Variants in AKT3 observed in about 807,000 individuals in gnomAD.
AKT3 encodes the protein AKT serine/threonine kinase 3.
AKT3 carries 15 observed loss-of-function variants against 65.3 expected under a neutral mutation model. The observed-to-expected ratio is 0.23, with a 90% CI of 0.15 to 0.35. AKT3 has a LOEUF of 0.35. AKT3 is among the 10% of genes least tolerant of loss of function. The pLI, the probability that AKT3 is intolerant of heterozygous loss-of-function variation, is 1.00. For missense variants in AKT3, 243 were observed against 576.5 expected, an observed-to-expected ratio of 0.42 and a Z score of 5.92; for synonymous variants, 206 against 183.8, an observed-to-expected ratio of 1.12 and a Z score of -0.98.
downstream of AKT3, among the ~76,000 whole-genome samples, chr1:243,499,083 G>A (rs2148327859): frequency 6.6e-6 from 1 of 152,240 alleles, no homozygotes; most frequent in African/African-American, 2.4e-5. Context: ...ACTAATTTGG[G>A]CAGCCATGGC....
In AKT3 at chr1:243,501,009, C is replaced by CA. The variant is rs1553388638; in HGVS notation, c.*4239_*4240insT. On this transcript the variant is annotated 3_prime_UTR_variant, in exon 14 of 14. Transcript: ENST00000673466. ...CACCTTTAAAGAATTATAGAGGTCA[C>CA]TTTTTTTTAGCCTCCTGGATCTGTC... The CA allele has an allele frequency of 8.8e-5, 20 of 228,382 alleles. No individual in the cohort carries two copies. The highest frequency in any genetic ancestry group is 4.3e-5 in the Non-Finnish European group (5 of 115,152). 14.1% of individuals were successfully genotyped at this position (228,382 alleles called of 1,614,324 possible).
At chr1:243,678,028 C>CAG (rs1247464870) in intron 3 of AKT3, among the ~76,000 whole-genome samples, 1 of 152,096 alleles carries the variant, frequency 6.6e-6, no homozygotes, top group Non-Finnish European at 1.5e-5. Flanking sequence ...GCGGAGGTTG[C>CAG]AGTGAGCCGA....
chr1:243,600,937 G>A (rs1211547180), intron 8 of AKT3, among the ~76,000 whole-genome samples: 2 of 152,074 alleles, frequency 1.3e-5, no homozygotes, highest in African/African-American at 2.4e-5. Flanking sequence ...AGAGTGAGGG[G>A]AGAGAATTGA....
intron 2 of AKT3, among the ~76,000 whole-genome samples, chr1:243,732,325 C>G (rs1687616030): frequency 6.6e-6 from 1 of 152,232 alleles, no homozygotes; most frequent in Non-Finnish European, 1.5e-5. Flanking sequence ...CACAGCATAC[C>G]TAAAGCTGCC....
intron 6 of AKT3, among the ~76,000 whole-genome samples, chr1:243,635,771 T>C (rs1679929005): frequency 2.0e-5 from 3 of 152,084 alleles, no homozygotes; most frequent in Middle Eastern, 3.4e-3. Flanking sequence ...AAAATTAACA[T>C]CACCAGTAAA....
chr1:243,498,803 G>A (rs2148326188), downstream of AKT3, among the ~76,000 whole-genome samples: 2 of 152,338 alleles, frequency 1.3e-5, 1 homozygote, highest in Middle Eastern at 6.8e-3. Flanking sequence ...GAGAGGGGCA[G>A]GCCCACTTCT....
intron 8 of AKT3, among the ~76,000 whole-genome samples, chr1:243,580,441 AATGTTT>A (rs1675253942): frequency 6.6e-6 from 1 of 152,190 alleles, no homozygotes; most frequent in African/African-American, 2.4e-5. Context: ...AGAGCAGGAC[AATGTTT>A]TAAATTTGGG....
chr1:243,699,355 T>G (rs1387005970), intron 2 of AKT3, among the ~76,000 whole-genome samples: 1 of 151,038 alleles, frequency 6.6e-6, no homozygotes, highest in Non-Finnish European at 1.5e-5. Context: ...AAGAGATTGT[T>G]CAATGGACAC....
chr1:243,674,141 T>C (rs1204655831), intron 3 of AKT3, among the ~76,000 whole-genome samples: 1 of 152,186 alleles, frequency 6.6e-6, no homozygotes, highest in Non-Finnish European at 1.5e-5. Context: ...ATTGAAATCA[T>C]GTTAAAAAAT....
chr1:243,757,628 A>G (rs1689219460), intron 2 of AKT3, among the ~76,000 whole-genome samples: 1 of 152,218 alleles, frequency 6.6e-6, no homozygotes, highest in African/African-American at 2.4e-5. Context: ...TCAGAAAAAA[A>G]GATAAAGAAG....
chr1:243,641,088 A>G (rs1220486951), intron 5 of AKT3, among the ~76,000 whole-genome samples: 1 of 152,052 alleles, frequency 6.6e-6, no homozygotes, highest in African/African-American at 2.4e-5. Flanking sequence ...CTCCCAGCCT[A>G]CGTCTTTCTG....
chr1:243,592,465 G>A (rs1676303180), intron 8 of AKT3, among the ~76,000 whole-genome samples: 1 of 151,700 alleles, frequency 6.6e-6, no homozygotes, highest in African/African-American at 2.4e-5. Context: ...GCTTAACAGC[G>A]ACCACAGAAA....
At chr1:243,601,532 A>G (rs942492623) in intron 8 of AKT3, among the ~76,000 whole-genome samples, 1 of 152,204 alleles carries the variant, frequency 6.6e-6, no homozygotes, top group African/African-American at 2.4e-5. Flanking sequence ...GAAGTTGATC[A>G]TAACAAATGA....
chr1:243,545,761 A>C, intron 11 of AKT3, 164 bp from the exon 12 acceptor site: 1 of 574,720 alleles, frequency 1.7e-6, no homozygotes, highest in Non-Finnish European at 3.0e-6. Context: ...ATTTTTCCTA[A>C]TATGCTTGTA....
intron 12 of AKT3, among the ~76,000 whole-genome samples, chr1:243,544,705 GTTTTTT>G (rs138565455): frequency 7.0e-6 from 1 of 142,276 alleles, no homozygotes; most frequent in South Asian, 2.2e-4. Flanking sequence ...TTTGTTTTTT[GTTTTTT>G]TTTTTTTTAA....
intron 2 of AKT3, among the ~76,000 whole-genome samples, chr1:243,729,489 GTACC>G (rs1687412520): frequency 6.6e-6 from 1 of 152,038 alleles, no homozygotes; most frequent in Non-Finnish European, 1.5e-5. Context: ...AAAAAATCAA[GTACC>G]TCATAGATTA....
intron 11 of AKT3, among the ~76,000 whole-genome samples, chr1:243,548,627 C>G (rs1672834947): frequency 6.6e-6 from 1 of 152,152 alleles, no homozygotes; most frequent in South Asian, 2.1e-4. Flanking sequence ...ATATTTATGT[C>G]TAGAATACTA....
chr1:243,502,506 G>A lies in AKT3; in HGVS notation c.*2743C>T, dbSNP rs756503106. ...GTTAGTATGGGCTGGAGTCTGCAAA[G>A]TCTGAACTGTATTCTCATAGAATGA... On this transcript the variant is annotated 3_prime_UTR_variant, in exon 14 of 14. Transcript: ENST00000673466. 20 of 233,130 alleles carry A rather than the reference G, an allele frequency of 8.6e-5. No individual in the cohort carries two copies. The highest frequency in any genetic ancestry group is 1.4e-4 in the Non-Finnish European group (17 of 118,050). 14.4% of individuals were successfully genotyped at this position (233,130 alleles called of 1,614,324 possible).
chr1:243,557,481 T>C (rs555606414), intron 10 of AKT3, among the ~76,000 whole-genome samples: 24 of 152,192 alleles, frequency 1.6e-4, no homozygotes, highest in African/African-American at 5.1e-4. Flanking sequence ...GACAGACCTC[T>C]AAGTAAGTAA....
Sources: allele counts gnomAD v4.1 joint callset (sites outside exome capture counted in the v4.1 genomes callset), GRCh38; gene constraint gnomAD v4.1.1; transcripts MANE v1.5; gene names NCBI Gene and HGNC (gene_info 2026-07-23, HGNC 2026-07-21).